Variants in APOBEC3D observed in about 807,000 individuals in gnomAD.
The protein encoded by APOBEC3D is apolipoprotein B mRNA editing enzyme catalytic subunit 3D.
In APOBEC3D, 37 loss-of-function variants were observed where a neutral mutation model predicts 45.6. The ratio of observed to expected loss-of-function variants is 0.81; its 90% CI spans 0.62 to 1.07. The LOEUF (loss-of-function observed/expected upper bound fraction) is 1.07. Among genes scored for constraint, APOBEC3D ranks in the 50% least tolerant of loss-of-function variants. APOBEC3D has a pLI of 0.00. For missense variants in APOBEC3D, 496 were observed against 495.3 expected (o/e 1.00, Z -0.01); for synonymous variants, 175 against 180.7 (o/e 0.97, Z 0.25).
chr22:39,027,647 G>A (rs1925807504), intron 4 of APOBEC3D, among the ~76,000 whole-genome samples: 1 of 152,188 alleles, frequency 6.6e-6, no homozygotes, highest in Non-Finnish European at 1.5e-5. Flanking sequence ...CTCAGATCAG[G>A]GACCACTGCC....
In APOBEC3D at chr22:39,029,466, G is replaced by T. The variant is rs1337829282; in HGVS notation, c.709G>T (p.Val237Phe). 1 of 1,614,058 alleles carries T rather than the reference G, an allele frequency of 6.2e-7. No individual in the cohort carries two copies. Among genetic ancestry groups the T allele is most frequent in the African/African-American group, 1.3e-5 (1 of 74,894 alleles). ...NESWLCFTME[V>F]TKHHSAVFRK... is the part of the protein sequence containing the mutation. ...AAGCTGGCTGTGCTTCACCATGGAA[G>T]TTACAAAGCACCACTCAGCTGTCTT... is the stretch of plus-strand genomic sequence containing the variant. The change falls in exon 5 of 7, where the codon GTT (valine) becomes TTT (phenylalanine). Residue 237 changes from valine to phenylalanine, a missense_variant. Physicochemically the swap from Val to Phe is conservative, Grantham distance 50 (BLOSUM62 -1). Transcript: ENST00000216099.
In APOBEC3D at chr22:39,031,880, G is replaced by A. The variant is rs1287372773; in HGVS notation, c.949G>A (p.Ala317Thr). 6.2e-6 allele frequency: 10 copies of A among 1,614,188 alleles called. No individual in the cohort carries two copies. Among genetic ancestry groups the A allele is most frequent in the Non-Finnish European group, 8.5e-6 (10 of 1,180,028 alleles). ...CAACGTGAATCTCACCATCTTCACC[G>A]CCCGCCTCTGCTACTTCTGGGATAC... is the stretch of plus-strand genomic sequence containing the variant. ...HSNVNLTIFT[A>T]RLCYFWDTDY... Residue 317 changes from alanine to threonine, a missense_variant, in exon 6 of 7, where the codon GCC becomes ACC. Coordinates refer to ENST00000216099, the MANE Select transcript of APOBEC3D (RefSeq NM_152426.4).
intron 4 of APOBEC3D, among the ~76,000 whole-genome samples, chr22:39,027,190 T>C (rs1346487711): frequency 6.6e-6 from 1 of 151,986 alleles, no homozygotes; most frequent in Non-Finnish European, 1.5e-5. Flanking sequence ...TTCTGTGACA[T>C]AGGGACAAGA....
intron 1 of APOBEC3D, 30 bp downstream of exon 1, chr22:39,021,566 C>T: frequency 6.2e-7 from 1 of 1,611,748 alleles, no homozygotes; most frequent in East Asian, 2.2e-5. Context: ...CCGCAGGGCC[C>T]CTCCGGCCCC....
rs202241274 is a variant in APOBEC3D, at chr22:39,023,449, C to CTTTT, written c.210+447_210+450dup. ...TATTTCTTTTTTCTTTTCTTTCTTT[C>CTTTT]TTTTTTTTTTTTTTTGAGACAGAGT... On this transcript the variant is annotated intron_variant, in intron 2 of 6. Transcript: ENST00000216099. Among the ~76,000 whole-genome samples the CTTTT allele has an allele frequency of 3.7e-4, 49 of 133,918 alleles. No individual in the cohort carries two copies. In the East Asian group the frequency reaches 0.01, roughly 28 times the overall value. 87.9% of individuals were successfully genotyped at this position (133,918 alleles called of 152,430 possible). A position where few individuals can be genotyped will look rare whatever the true frequency, so the allele number is the denominator to read the frequency against.
chr22:39,026,842 TC>T (rs2146322477), intron 4 of APOBEC3D, among the ~76,000 whole-genome samples: 1 of 151,856 alleles, frequency 6.6e-6, no homozygotes, highest in African/African-American at 2.4e-5. Flanking sequence ...AACCTCTGCC[TC>T]CCGGTTCTAG....
Position 39,021,323 on chromosome 22 carries a change from G to C in APOBEC3D, c.-197G>C. The stretch of plus-strand genomic sequence containing the variant: ...GGGTTTCTCCATGTTGGTCAGGCTG[G>C]TCTCGAACTCCTGACCTCGTGATCC... On this transcript the variant is annotated 5_prime_UTR_variant, in exon 1 of 7. Transcript: ENST00000216099. 3.3e-6 allele frequency: 2 copies of C among 614,020 alleles called. No homozygotes were observed. The highest frequency in any genetic ancestry group is 5.9e-6 in the Non-Finnish European group (2 of 336,270). The allele number at this position is 614,020 out of a possible 1,614,324, so 38.0% of individuals were successfully genotyped here.
At chr22:39,028,585 C>T (rs1169243381) in intron 4 of APOBEC3D, among the ~76,000 whole-genome samples, 1 of 152,176 alleles carries the variant, frequency 6.6e-6, no homozygotes, top group Admixed American at 6.5e-5. Context: ...AGGCAGATCA[C>T]GAAGTCAGTT....
Position 39,025,560 on chromosome 22 carries a change from T to C in APOBEC3D, c.494T>C (p.Phe165Ser), listed in dbSNP as rs1214717704. ...ARVKIMDYEDFAYCWENFVCN... is the reference protein window; with the variant it reads ...ARVKIMDYEDSAYCWENFVCN... ...GCTTCCCACCTCTTCATCTCAGACT[T>C]TGCATACTGCTGGGAAAACTTTGTG... is the stretch of plus-strand genomic sequence containing the variant. The change falls in exon 4 of 7, where the codon TTT becomes TCT. Residue 165 changes from phenylalanine to serine, a missense_variant. Transcript: ENST00000216099. The C allele has an allele frequency of 6.2e-7, 1 of 1,613,988 alleles. No homozygotes were observed. Among genetic ancestry groups the C allele is most frequent in the Non-Finnish European group, 8.5e-7 (1 of 1,180,012 alleles).
rs1925529209 is a variant in APOBEC3D, at chr22:39,025,312, T to A, written c.453T>A (p.His151Gln). 3 of 1,614,022 alleles carry A rather than the reference T, an allele frequency of 1.9e-6. No homozygotes were observed. The East Asian group carries it at 6.7e-5, about 36-fold the overall frequency. Residue 151 changes from histidine to glutamine, a missense_variant, in exon 3 of 7, where the codon CAT becomes CAA. Transcript: ENST00000216099. ...RDWRWVLLRL[H>Q]KAGARVKIMD... The stretch of plus-strand genomic sequence containing the variant: ...GGCGGTGGGTGCTCCTCAGGCTGCA[T>A]AAGGCAGGGGCCCGTGTGAAGATCA...
Position 39,028,495 on chromosome 22 carries a change from GCAGCA to G in APOBEC3D, c.606-866_606-862del, listed in dbSNP as rs1310154338. Among the ~76,000 whole-genome samples, 8 of 152,350 alleles carry G rather than the reference GCAGCA, an allele frequency of 5.3e-5. No individual in the cohort carries two copies. In the South Asian group the frequency reaches 8.3e-4, roughly 16 times the overall value. ...GCACATGCCATGAGCTCAGACATAT[GCAGCA>G]CTTAGGAGAGTAGCCTGGACCGGCC... On this transcript the variant is annotated intron_variant, in intron 4 of 6. Transcript: ENST00000216099.
chr22:39,030,529 T>C (rs1336983701), intron 5 of APOBEC3D, among the ~76,000 whole-genome samples: 1 of 152,094 alleles, frequency 6.6e-6, no homozygotes, highest in Non-Finnish European at 1.5e-5. Context: ...AACATATACT[T>C]AATATAAAAT....
chr22:39,033,172 G>A lies in APOBEC3D; in HGVS notation c.*856G>A, dbSNP rs190035055. The A allele has an allele frequency of 2.7e-5, 20 of 742,020 alleles. No individual in the cohort carries two copies. Among genetic ancestry groups the A allele is most frequent in the Admixed American group, 6.3e-5 (1 of 15,936 alleles). The allele number at this position is 742,020 out of a possible 1,614,324, so 46.0% of individuals were successfully genotyped here. On this transcript the variant is annotated 3_prime_UTR_variant, in exon 7 of 7. Transcript: ENST00000216099. ...GTGGAGGCTGGAGTAAACTGAGATC[G>A]CGCCACAGAACTCCAGTTTGAGCAA...
chr22:39,026,809 G>A (rs374765427), intron 4 of APOBEC3D, among the ~76,000 whole-genome samples: 2 of 151,272 alleles, frequency 1.3e-5, no homozygotes, highest in Admixed American at 6.6e-5. Context: ...CTGGAGTGCT[G>A]TGGTGCGATC....
At chr22:39,022,621 A>G (rs1483142076) in intron 1 of APOBEC3D, among the ~76,000 whole-genome samples, 2 of 152,030 alleles carry the variant, frequency 1.3e-5, no homozygotes, top group Non-Finnish European at 2.9e-5. Flanking sequence ...GCTGGGAGAG[A>G]TCACCCCAGC....
Position 39,026,119 on chromosome 22 carries a change from G to A in APOBEC3D, c.605+448G>A, listed in dbSNP as rs968908953. Among the ~76,000 whole-genome samples the A allele has an allele frequency of 3.9e-5, 6 of 152,208 alleles. No individual in the cohort carries two copies. In the South Asian group the frequency reaches 6.2e-4, roughly 16 times the overall value. On this transcript the variant is annotated intron_variant, in intron 4 of 6. Transcript: ENST00000216099. ...TGGAAACAGAGCTTCAGGCTTCCGCGGCCATAGAAGATGCCCCCGGGCCGG... is the reference window on the plus strand; with the variant it reads ...TGGAAACAGAGCTTCAGGCTTCCGCAGCCATAGAAGATGCCCCCGGGCCGG...
intron 4 of APOBEC3D, among the ~76,000 whole-genome samples, chr22:39,026,027 G>A (rs115344119): frequency 0.01 from 1,581 of 152,332 alleles, 23 homozygotes; most frequent in African/African-American, 0.036. Context: ...TCACAAGCCC[G>A]ACAGTCGGAA....
At position 39,033,245 on chromosome 22, in the gene APOBEC3D, A is replaced by G; in HGVS notation, c.*929A>G. ...ATAAATCAATAAATACACTCAACCT[A>G]AATGGATATGAATATATGTAAGTTG... On this transcript the variant is annotated 3_prime_UTR_variant, in exon 7 of 7. Transcript: ENST00000216099. 1.0e-6 allele frequency: 1 copy of G among 977,932 alleles called. No homozygotes were observed. The highest frequency in any genetic ancestry group is 1.2e-6 in the Non-Finnish European group (1 of 823,142). 60.6% of individuals were successfully genotyped at this position (977,932 alleles called of 1,614,324 possible).
At chr22:39,026,084 G>A (rs1040459456) in intron 4 of APOBEC3D, among the ~76,000 whole-genome samples, 1 of 152,246 alleles carries the variant, frequency 6.6e-6, no homozygotes, top group Non-Finnish European at 1.5e-5. Context: ...CTGAGAAGGA[G>A]CCGCCACCAT....
Sources: allele counts gnomAD v4.1 joint callset (sites outside exome capture counted in the v4.1 genomes callset), GRCh38; gene constraint gnomAD v4.1.1; transcripts MANE v1.5; gene names NCBI Gene and HGNC (gene_info 2026-07-23, HGNC 2026-07-21).